FAF1: variants seen among roughly 807,000 people sequenced by gnomAD.
FAF1 encodes Fas associated factor 1.
A neutral mutation model predicts 92.5 loss-of-function variants in FAF1; 25 were observed. The ratio of observed to expected loss-of-function variants is 0.27; its 90% CI spans 0.20 to 0.38. The LOEUF is 0.38. FAF1 is among the 10% of genes least tolerant of loss of function. The pLI, the probability that FAF1 is intolerant of heterozygous loss-of-function variation, is 1.00. For missense variants in FAF1, 636 were observed against 793.3 expected (o/e 0.80, Z 2.38); for synonymous variants, 234 against 273.2 (o/e 0.86, Z 1.42).
intron 15 of FAF1, among the ~76,000 whole-genome samples, chr1:50,522,067 A>C (rs1647528829): frequency 6.6e-6 from 1 of 152,250 alleles, no homozygotes; most frequent in East Asian, 1.9e-4. Flanking sequence ...TCTTTTTAAA[A>C]GTGAGCATTA....
In FAF1 at chr1:50,801,468, TG is replaced by T. The variant is rs1187748848; in HGVS notation, c.161+162del. Among the ~76,000 whole-genome samples the T allele has an allele frequency of 3.3e-5, 5 of 152,244 alleles. No homozygotes were observed. In the East Asian group the frequency reaches 7.7e-4, roughly 23 times the overall value. On this transcript the variant is annotated intron_variant, in intron 3 of 18. Transcript: ENST00000396153. ...TTATACAGTTAAAAGTTGGAGACTT[TG>T]GGGAATTAATATAACACATAGAAAT...
chr1:50,763,119 A>G (rs1660398306), intron 4 of FAF1, among the ~76,000 whole-genome samples: 2 of 152,022 alleles, frequency 1.3e-5, no homozygotes, highest in Non-Finnish European at 2.9e-5. Flanking sequence ...TAGCTGGGGC[A>G]TGGTGGCATG....
In FAF1 at chr1:50,731,664, G is replaced by A. The variant is rs368401230; in HGVS notation, c.551+7199C>T. On this transcript the variant is annotated intron_variant, in intron 6 of 18. Coordinates refer to ENST00000396153, the MANE Select transcript of FAF1 (RefSeq NM_007051.3). ...ATTACAGGCATGAGCCACCGCGCCC[G>A]GCCTCAAAACACTTGTCTTCTAATT... 4.6e-5 allele frequency among the ~76,000 whole-genome samples: 7 copies of A among 152,084 alleles called. No homozygotes were observed. In the East Asian group the frequency reaches 5.8e-4, roughly 13 times the overall value.
chr1:50,502,415 T>C (rs1299699762), intron 15 of FAF1, among the ~76,000 whole-genome samples: 1 of 152,190 alleles, frequency 6.6e-6, no homozygotes, highest in East Asian at 1.9e-4. Context: ...TTGATTTTAT[T>C]AGCAAAAATT....
At chr1:50,468,757 C>A (rs1032505739) in intron 18 of FAF1, among the ~76,000 whole-genome samples, 2 of 151,964 alleles carry the variant, frequency 1.3e-5, no homozygotes, top group Middle Eastern at 3.4e-3. Flanking sequence ...CCACGCCCGG[C>A]CTAATTTTTG....
At chr1:50,613,781 C>A (rs940812296) in intron 8 of FAF1, among the ~76,000 whole-genome samples, 5 of 143,930 alleles carry the variant, frequency 3.5e-5, no homozygotes, top group African/African-American at 1.3e-4. Context: ...CAAGAAAAAT[C>A]TTTTATATTA....
chr1:50,545,216 T>C (rs1456696933), intron 13 of FAF1, among the ~76,000 whole-genome samples: 2 of 152,126 alleles, frequency 1.3e-5, no homozygotes, highest in Non-Finnish European at 2.9e-5. Flanking sequence ...TAATAGCACA[T>C]AAGCATGTTA....
intron 2 of FAF1, among the ~76,000 whole-genome samples, chr1:50,806,241 A>T (rs1165256266): frequency 1.3e-5 from 2 of 152,242 alleles, no homozygotes; most frequent in Admixed American, 6.5e-5. Flanking sequence ...AAAAGAAGGT[A>T]TGTGAATGAT....
chr1:50,917,693 GGAAAGGAAAA>G (rs1644930737), intron 1 of FAF1, among the ~76,000 whole-genome samples: 2 of 129,470 alleles, frequency 1.5e-5, no homozygotes, highest in East Asian at 2.4e-4. Flanking sequence ...GGAAAGGAAA[GGAAAGGAAAA>G]GAAAGAAAAC....
chr1:50,598,462 TAAA>T lies in FAF1; in HGVS notation c.745-2249_745-2247del, dbSNP rs890794436. 9.8e-4 allele frequency among the ~76,000 whole-genome samples: 110 copies of T among 112,336 alleles called. 1 individual carries two copies. Among genetic ancestry groups the T allele is most frequent in the African/African-American group, 2.9e-3 (86 of 30,150 alleles). The allele number at this position is 112,336 out of a possible 152,430, so 73.7% of individuals were successfully genotyped here. On this transcript the variant is annotated intron_variant, in intron 8 of 18. Transcript: ENST00000396153. ...GGGTGATAAAGCAAGAACCTGTCTT[TAAA>T]AAAAAAAAAAAAAAAAAAAAGGCTA...
intron 15 of FAF1, among the ~76,000 whole-genome samples, chr1:50,518,194 A>G (rs1226127225): frequency 1.3e-5 from 2 of 152,198 alleles, no homozygotes; most frequent in Non-Finnish European, 2.9e-5. Flanking sequence ...CAAAAACATC[A>G]TATAATAGAA....
chr1:50,797,300 G>A (rs1661790698), intron 3 of FAF1, among the ~76,000 whole-genome samples: 2 of 152,234 alleles, frequency 1.3e-5, no homozygotes, highest in South Asian at 4.1e-4. Flanking sequence ...TCCCAGCTGT[G>A]AAAACCACCA....
chr1:50,490,449 AAGGAAGGAAG>A (rs768864090), intron 17 of FAF1, 129 bp downstream of exon 17: 30,877 of 419,198 alleles, frequency 0.074, 2,521 homozygotes, highest in South Asian at 0.093. Context: ...GGAAGGAAGG[AAGGAAGGAAG>A]GAAAAAGAAA....
intron 2 of FAF1, among the ~76,000 whole-genome samples, chr1:50,808,609 G>A (rs1361758802): frequency 2.0e-5 from 3 of 150,562 alleles, no homozygotes; most frequent in Non-Finnish European, 4.4e-5. Flanking sequence ...CAAAGCAGAG[G>A]TTGCTGTTCT....
intron 7 of FAF1, among the ~76,000 whole-genome samples, chr1:50,700,861 G>A (rs556259567): frequency 6.6e-6 from 1 of 152,052 alleles, no homozygotes; most frequent in Non-Finnish European, 1.5e-5. Flanking sequence ...TCCAGAGAGG[G>A]GAAAAGACTT....
chr1:50,599,722 T>A (rs182238143), intron 8 of FAF1, among the ~76,000 whole-genome samples: 195 of 152,358 alleles, frequency 1.3e-3, no homozygotes, highest in Non-Finnish European at 1.9e-4. Flanking sequence ...AAAAAGCATG[T>A]GTGTTTCAGT....
chr1:50,775,186 G>A (rs1164830168), intron 4 of FAF1, among the ~76,000 whole-genome samples: 5 of 151,968 alleles, frequency 3.3e-5, no homozygotes, highest in Non-Finnish European at 7.4e-5. Flanking sequence ...AAACTTTAAT[G>A]AGTGTACATT....
chr1:50,853,705 A>G (rs1279115353), intron 2 of FAF1, among the ~76,000 whole-genome samples: 2 of 152,124 alleles, frequency 1.3e-5, no homozygotes, highest in African/African-American at 2.4e-5. Flanking sequence ...GATCTGCTAC[A>G]GATTATTGGA....
intron 2 of FAF1, among the ~76,000 whole-genome samples, chr1:50,851,690 C>T (rs1403140507): frequency 2.6e-5 from 4 of 152,120 alleles, no homozygotes; most frequent in African/African-American, 9.7e-5. Context: ...TTTTATAAAA[C>T]AGATGTTTCT....
Sources: gnomAD v4.1 joint callset for allele counts (sites outside exome capture counted in the v4.1 genomes callset) on GRCh38, gnomAD v4.1.1 for gene constraint, MANE v1.5 for transcripts, NCBI Gene and HGNC (gene_info 2026-07-23, HGNC 2026-07-21) for gene names.